Variants in VSIG10 observed in about 807,000 individuals in gnomAD.
VSIG10 encodes the protein V-set and immunoglobulin domain-containing protein 10.
In VSIG10, 48 loss-of-function variants were observed where a neutral mutation model predicts 58.7. The observed-to-expected ratio is 0.82, with a 90% confidence interval of 0.65 to 1.04. VSIG10 has a LOEUF of 1.04. Ranked by LOEUF, VSIG10 falls within the 50% of genes least tolerant of loss-of-function variation. The pLI, the probability that VSIG10 is intolerant of heterozygous loss-of-function variation, is 0.00. For missense variants in VSIG10, 628 were observed against 670.0 expected (o/e 0.94, Z 0.69); for synonymous variants, 260 against 267.1 (o/e 0.97, Z 0.26).
At chr12:118,092,530 G>C (rs1257873183) in intron 2 of VSIG10, among the ~76,000 whole-genome samples, 1 of 152,046 alleles carries the variant, frequency 6.6e-6, no homozygotes, top group African/African-American at 2.4e-5. Flanking sequence ...GCCATAGTTA[G>C]TAACAAAGGT....
rs67582641 is a variant in VSIG10, at chr12:118,068,522, TTCCTCC to T, written c.1416_1421del (p.Glu473_Glu474del). ...CCTCCTGTTCCCCTACTGCAGCATC[TTCCTCC>T]TCCTCCTCCTCCTCCTCCTCTTCCT... On this transcript the variant is annotated inframe_deletion, in exon 8 of 9. Coordinates refer to ENST00000359236, the MANE Select transcript of VSIG10 (RefSeq NM_019086.6). 330,269 of 1,602,096 alleles carry T rather than the reference TTCCTCC, an allele frequency of 0.21. 35,263 individuals carry two copies. Among genetic ancestry groups the T allele is most frequent in the East Asian group, 0.5 (22,207 of 44,038 alleles).
chr12:118,088,072 C>G (rs1189045627), intron 2 of VSIG10, among the ~76,000 whole-genome samples: 1 of 151,642 alleles, frequency 6.6e-6, no homozygotes, highest in Non-Finnish European at 1.5e-5. Context: ...GGTGAAACCC[C>G]GTCTCTACTA....
rs774280459 is a variant in VSIG10 at position 118,065,490 on chromosome 12, T to C, written c.*1149A>G. On this transcript the variant is annotated 3_prime_UTR_variant, in exon 9 of 9. Transcript: ENST00000359236. ...AACTGGTTAAGACAGTGCTCTGATATGCTTAGTTTAGTTCCTTCATCCAAG... is the reference window on the plus strand; with the variant it reads ...AACTGGTTAAGACAGTGCTCTGATACGCTTAGTTTAGTTCCTTCATCCAAG... The C allele has an allele frequency of 3.3e-5, 5 of 152,250 alleles. No individual in the cohort carries two copies. The highest frequency in any genetic ancestry group is 4.8e-5 in the African/African-American group (2 of 41,468). 9.4% of individuals were successfully genotyped at this position (152,250 alleles called of 1,614,324 possible). A position where few individuals can be genotyped will look rare whatever the true frequency, so the allele number is the denominator to read the frequency against.
chr12:118,090,240 G>A (rs977704953), intron 2 of VSIG10, among the ~76,000 whole-genome samples: 1 of 152,160 alleles, frequency 6.6e-6, no homozygotes, highest in African/African-American at 2.4e-5. Context: ...AGGGGGCGGA[G>A]GTGGTTGTGA....
chr12:118,101,481 T>C (rs2033621758), intron 1 of VSIG10: 1 of 152,156 alleles, frequency 6.6e-6, no homozygotes, highest in Admixed American at 6.6e-5. Context: ...AGTTTAGAAG[T>C]CATTCATATG....
At chr12:118,071,530 C>T (rs571191414) in intron 5 of VSIG10, 61 bp from the exon 6 acceptor site, 2 of 1,466,490 alleles carry the variant, frequency 1.4e-6, no homozygotes, top group Non-Finnish European at 1.9e-6. Flanking sequence ...TAGAACAACA[C>T]CTCCCTTTCT....
rs1179752761 is a variant in VSIG10, at chr12:118,066,208, T to C, written c.*431A>G. 1.3e-5 allele frequency: 2 copies of C among 148,148 alleles called. No homozygotes were observed. The highest frequency in any genetic ancestry group is 6.1e-5 in the African/African-American group (2 of 32,772). The allele number at this position is 148,148 out of a possible 1,614,324, so 9.2% of individuals were successfully genotyped here. A position where few individuals can be genotyped will look rare whatever the true frequency, so the allele number is the denominator to read the frequency against. ...TTGTGGTGAGCCAAGATCGTGCCAT[T>C]GCACTCCAGCCTGGGCAATAGAGGG... On this transcript the variant is annotated 3_prime_UTR_variant, in exon 9 of 9. Transcript: ENST00000359236.
In VSIG10 at chr12:118,079,473, G is replaced by A. The variant is rs371816744; in HGVS notation, c.798C>T (p.Ile266=). 5.6e-5 allele frequency: 91 copies of A among 1,613,962 alleles called. No homozygotes were observed. Among genetic ancestry groups the A allele is most frequent in the Middle Eastern group, 1.6e-4 (1 of 6,062 alleles). ...CCACCCCCAGCTTTGACTTCCCCAC[G>A]ATTACACCTCCTGGCTCTTCTATCC... is the stretch of plus-strand genomic sequence containing the variant. ...FLWIEEPGGV[I]VGKSKLGVEM... The change falls in exon 4 of 9, where the codon ATC becomes ATT. Residue 266 remains isoleucine, a synonymous_variant. Coordinates refer to ENST00000359236, the MANE Select transcript of VSIG10 (RefSeq NM_019086.6).
At chr12:118,098,319 G>A (rs2033527671) in intron 1 of VSIG10, among the ~76,000 whole-genome samples, 1 of 101,404 alleles carries the variant, frequency 9.9e-6, no homozygotes, top group Non-Finnish European at 2.0e-5. Context: ...CTCTCTCTCC[G>A]CCTCTCCCTC....
At chr12:118,074,051 G>A (rs1593499434) in intron 4 of VSIG10, 59 bp from the exon 5 acceptor site, 1 of 1,498,274 alleles carries the variant, frequency 6.7e-7, no homozygotes, top group Admixed American at 2.3e-5. Context: ...CATGGCCTGA[G>A]ATCTGCAGGA....
intron 1 of VSIG10, 124 bp from the exon 2 acceptor site, chr12:118,095,938 T>TG: frequency 3.1e-6 from 4 of 1,304,668 alleles, no homozygotes; most frequent in Non-Finnish European, 4.1e-6. Context: ...TTTTTTTTTT[T>TG]TTTTTGAGAC....
intron 5 of VSIG10, 129 bp from the exon 6 acceptor site, chr12:118,071,598 C>T: frequency 1.3e-6 from 1 of 747,682 alleles, no homozygotes; most frequent in Non-Finnish European, 2.3e-6. Context: ...TATGACCTGT[C>T]TGTAATGCCA....
chr12:118,103,889 GC>G lies in VSIG10; in HGVS notation c.-219del, dbSNP rs2137974933. 2.3e-6 allele frequency: 1 copy of G among 431,356 alleles called. No individual in the cohort carries two copies. The highest frequency in any genetic ancestry group is 3.6e-5 in the East Asian group (1 of 27,488). 26.7% of individuals were successfully genotyped at this position (431,356 alleles called of 1,614,324 possible). On this transcript the variant is annotated 5_prime_UTR_variant, in exon 1 of 9. Transcript: ENST00000359236. ...CAGGCTCGGGTCCCCGCTCCCGAGC[GC>G]CCTGGCCGGGGAGGGAGGGCGCACC...
chr12:118,080,647 T>C (rs538818192), intron 3 of VSIG10, among the ~76,000 whole-genome samples: 2 of 152,108 alleles, frequency 1.3e-5, no homozygotes, highest in Non-Finnish European at 2.9e-5. Context: ...GATGAACAAA[T>C]AAATTGTGGT....
chr12:118,090,376 T>G (rs2033257902), intron 2 of VSIG10, among the ~76,000 whole-genome samples: 1 of 152,224 alleles, frequency 6.6e-6, no homozygotes, highest in Non-Finnish European at 1.5e-5. Flanking sequence ...GATGTCTTCT[T>G]AACTTGATTG....
chr12:118,100,590 C>T (rs1358633309), intron 1 of VSIG10, among the ~76,000 whole-genome samples: 1 of 152,030 alleles, frequency 6.6e-6, no homozygotes, highest in African/African-American at 2.4e-5. Flanking sequence ...GAGTGCAAGG[C>T]GTAATTTCGG....
intron 2 of VSIG10, among the ~76,000 whole-genome samples, chr12:118,084,557 G>T (rs2033061594): frequency 6.6e-6 from 1 of 152,038 alleles, no homozygotes; most frequent in South Asian, 2.1e-4. Context: ...AGATCTGCAG[G>T]CTCCTATAAG....
In VSIG10 at chr12:118,066,392, C is replaced by T; in HGVS notation, c.*247G>A. The T allele has an allele frequency of 1.8e-6, 1 of 549,172 alleles. No individual in the cohort carries two copies. The highest frequency in any genetic ancestry group is 3.2e-5 in the East Asian group (1 of 31,198). 34.0% of individuals were successfully genotyped at this position (549,172 alleles called of 1,614,324 possible). A position where few individuals can be genotyped will look rare whatever the true frequency, so the allele number is the denominator to read the frequency against. ...CACAGCAGAAGTGGCACCTCAGACA[C>T]CAAAGCAGCTTTCCTTCTCAAAGCT... On this transcript the variant is annotated 3_prime_UTR_variant, in exon 9 of 9. Transcript: ENST00000359236.
In VSIG10 at chr12:118,066,592, A is replaced by G. The variant is rs764567841; in HGVS notation, c.*47T>C. 1 of 1,601,204 alleles carries G rather than the reference A, an allele frequency of 6.2e-7. No homozygotes were observed. Among genetic ancestry groups the G allele is most frequent in the East Asian group, 2.2e-5 (1 of 44,778 alleles). The stretch of plus-strand genomic sequence containing the variant: ...TGAATGAAGAGCTCGTCTTCAATGT[A>G]GCTCTCCAAGCTTTCAGAGCAAGAC... On this transcript the variant is annotated 3_prime_UTR_variant, in exon 9 of 9. Transcript: ENST00000359236.
Sources: allele counts gnomAD v4.1 joint callset (sites outside exome capture counted in the v4.1 genomes callset), GRCh38; gene constraint gnomAD v4.1.1; transcripts MANE v1.5; gene names NCBI Gene and HGNC (gene_info 2026-07-23, HGNC 2026-07-21).